Variants in CCDC66 observed in about 807,000 individuals in gnomAD.
CCDC66 encodes coiled-coil domain-containing protein 66.
A neutral mutation model predicts 128.3 loss-of-function variants in CCDC66; 133 were observed. The observed-to-expected ratio is 1.04, with a 90% CI of 0.90 to 1.20. The LOEUF (loss-of-function observed/expected upper bound fraction) is 1.20. Ranked by LOEUF, CCDC66 falls within the 50% of genes most tolerant of loss-of-function variation. CCDC66 has a pLI of 0.00. For missense variants in CCDC66, 1,126 were observed against 1,075.5 expected, an observed-to-expected ratio of 1.05 and a Z score of -0.66; for synonymous variants, 387 against 357.0, an observed-to-expected ratio of 1.08 and a Z score of -0.95.
At chr3:56,583,536 C>T (rs1014337006) in intron 7 of CCDC66, among the ~76,000 whole-genome samples, 1 of 151,900 alleles carries the variant, frequency 6.6e-6, no homozygotes, top group African/African-American at 2.4e-5. Flanking sequence ...ATCTGTTTAA[C>T]AAAGCACGTC....
At chr3:56,565,201 C>T (rs796314351) in intron 4 of CCDC66, 2 of 392,644 alleles carry the variant, frequency 5.1e-6, no homozygotes, top group African/African-American at 2.2e-5. Context: ...AAAATAACGT[C>T]AAGGTAATGA....
chr3:56,583,607 G>C (rs1024497547), intron 7 of CCDC66, among the ~76,000 whole-genome samples: 1 of 150,258 alleles, frequency 6.7e-6, no homozygotes, highest in Non-Finnish European at 1.5e-5. Flanking sequence ...AGAGAGCACA[G>C]GGTTGGGGGC....
intron 1 of CCDC66, among the ~76,000 whole-genome samples, chr3:56,558,281 G>C (rs115580120): frequency 0.023 from 3,512 of 152,230 alleles, 70 homozygotes; most frequent in Non-Finnish European, 0.034. Context: ...TTCAAGTTTT[G>C]TTGGCAGTGG....
intron 10 of CCDC66, among the ~76,000 whole-genome samples, chr3:56,610,625 T>G (rs2074662685): frequency 6.6e-6 from 1 of 152,130 alleles, no homozygotes; most frequent in Non-Finnish European, 1.5e-5. Context: ...GTGTGATTTT[T>G]GGGGGGGTGT....
At chr3:56,600,516 G>A (rs282534) in intron 10 of CCDC66, among the ~76,000 whole-genome samples, 106,077 of 151,814 alleles carry the variant, frequency 0.7, 38,424 homozygotes, top group Non-Finnish European at 0.8. Context: ...TTGCTGGGTC[G>A]AATGGTAGTT....
chr3:56,557,237 C>G lies in CCDC66; in HGVS notation c.-6C>G. 7.4e-7 allele frequency: 1 copy of G among 1,343,540 alleles called. No individual in the cohort carries two copies. Among genetic ancestry groups the G allele is most frequent in the Non-Finnish European group, 1.0e-6 (1 of 974,348 alleles). 83.2% of individuals were successfully genotyped at this position (1,343,540 alleles called of 1,614,324 possible). ...GCGTTCTGTGGAGAGAGTGCGAGGTCAGGCCATGAACTTGGGGTAAGCAGG... is the reference window on the plus strand; with the variant it reads ...GCGTTCTGTGGAGAGAGTGCGAGGTGAGGCCATGAACTTGGGGTAAGCAGG... On this transcript the variant is annotated 5_prime_UTR_variant, in exon 1 of 18. Coordinates refer to ENST00000394672, the MANE Select transcript of CCDC66 (RefSeq NM_001141947.3).
rs537302713 is a variant in CCDC66, at chr3:56,591,508, A to T, written c.937-1462A>T. ...GCTGATAAACTTAAAAAAAATTGCAAAACACTTTCATAATGTTTTAAGGAA... is the reference window on the plus strand; with the variant it reads ...GCTGATAAACTTAAAAAAAATTGCATAACACTTTCATAATGTTTTAAGGAA... On this transcript the variant is annotated intron_variant, in intron 7 of 17. Transcript: ENST00000394672. 5.9e-5 allele frequency among the ~76,000 whole-genome samples: 9 copies of T among 152,322 alleles called. No individual in the cohort carries two copies. The South Asian group carries it at 1.9e-3, about 32-fold the overall frequency.
rs761733019 is a variant in CCDC66 at position 56,619,315 on chromosome 3, A to T, written c.2423A>T (p.Gln808Leu). 6.2e-7 allele frequency: 1 copy of T among 1,613,036 alleles called. No homozygotes were observed. Among genetic ancestry groups the T allele is most frequent in the South Asian group, 1.1e-5 (1 of 90,746 alleles). Residue 808 changes from glutamine (Q) to leucine (L), a missense_variant, in exon 16 of 18, where the codon CAA (glutamine) becomes CTA (leucine). By Grantham distance (113) the Gln-to-Leu change is moderately radical (BLOSUM62 -2). Transcript: ENST00000394672. ...PVPVVKNRTQ[Q>L]TQNTLHLPLK... ...CCAGTAGTGAAAAACAGAACCCAAC[A>T]AACTCAAAATACATTACATTTACCA...
At chr3:56,578,452 A>T (rs1347756413) in intron 7 of CCDC66, among the ~76,000 whole-genome samples, 3 of 151,828 alleles carry the variant, frequency 2.0e-5, no homozygotes, top group African/African-American at 7.2e-5. Flanking sequence ...TATGTTGAAT[A>T]GGAGTGGAGA....
At chr3:56,603,106 A>T (rs2073487339) in intron 10 of CCDC66, among the ~76,000 whole-genome samples, 1 of 151,844 alleles carries the variant, frequency 6.6e-6, no homozygotes, top group South Asian at 2.1e-4. Context: ...AAGTACTGGG[A>T]TTACAGGTGT....
intron 7 of CCDC66, among the ~76,000 whole-genome samples, chr3:56,592,565 GTTGGCCAGGGGC>G (rs2071111418): frequency 6.8e-6 from 1 of 146,838 alleles, no homozygotes; most frequent in Non-Finnish European, 1.5e-5. Context: ...ATTTTGCCAT[GTTGGCCAGGGGC>G]TGGCCTTGAA....
intron 6 of CCDC66, chr3:56,570,731 A>G (rs1378671125): frequency 8.2e-5 from 1 of 12,138 alleles, no homozygotes; most frequent in Admixed American, 1.1e-3. Flanking sequence ...CTGCTGACAG[A>G]ATGAGACTCT....
intron 10 of CCDC66, among the ~76,000 whole-genome samples, chr3:56,596,150 C>T (rs1334483105): frequency 2.0e-5 from 3 of 152,166 alleles, no homozygotes; most frequent in African/African-American, 7.2e-5. Flanking sequence ...AGCTCCTTGC[C>T]TCAAACAGTC....
At chr3:56,620,572 C>CA (rs2076315354) in intron 17 of CCDC66, 1 of 151,970 alleles carries the variant, frequency 6.6e-6, no homozygotes, top group Non-Finnish European at 1.5e-5. Context: ...CTCTGCATTT[C>CA]AAAATGTTGA....
intron 10 of CCDC66, among the ~76,000 whole-genome samples, chr3:56,594,802 A>G (rs556199096): frequency 2.1e-4 from 32 of 152,364 alleles, no homozygotes; most frequent in African/African-American, 7.5e-4. Context: ...TAATTCTTCA[A>G]ATCCTTTGAT....
chr3:56,593,107 T>A lies in CCDC66; in HGVS notation c.1068+6T>A. The stretch of plus-strand genomic sequence containing the variant: ...AAAAAATTATATATTCAAAGGTAAC[T>A]TATGAGGTTTTGTGGCTATAAAAGA... On this transcript the variant is annotated splice_donor_region_variant and intron_variant, in intron 8 of 17. Transcript: ENST00000394672. 1 of 1,569,880 alleles carries A rather than the reference T, an allele frequency of 6.4e-7. No individual in the cohort carries two copies. The highest frequency in any genetic ancestry group is 8.7e-7 in the Non-Finnish European group (1 of 1,154,222).
At chr3:56,618,033 T>C (rs1578061542) in intron 14 of CCDC66, 139 bp from the exon 15 acceptor site, 1 of 708,514 alleles carries the variant, frequency 1.4e-6, no homozygotes, top group Non-Finnish European at 2.5e-6. Context: ...GAAAAAACTA[T>C]ATCTATTCCA....
Position 56,574,088 on chromosome 3 carries a change from G to A in CCDC66, c.936+2786G>A, listed in dbSNP as rs1305603353. Among the ~76,000 whole-genome samples, 3 of 151,698 alleles carry A rather than the reference G, an allele frequency of 2.0e-5. 1 individual carries two copies. Among genetic ancestry groups the A allele is most frequent in the African/African-American group, 7.3e-5 (3 of 41,370 alleles). On this transcript the variant is annotated intron_variant, in intron 7 of 17. Coordinates refer to ENST00000394672, the MANE Select transcript of CCDC66 (RefSeq NM_001141947.3). Reference sequence around the variant, plus strand: ...ACTATTTAAATGCAGTTTTCGCTGGGTGCAGTGGCTCATGCCTGTAATTCC... The same window carrying A: ...ACTATTTAAATGCAGTTTTCGCTGGATGCAGTGGCTCATGCCTGTAATTCC...
intron 8 of CCDC66, 132 bp downstream of exon 8, chr3:56,593,233 C>A: frequency 1.2e-6 from 1 of 848,706 alleles, no homozygotes; most frequent in Non-Finnish European, 1.8e-6. Flanking sequence ...CCCATGTGAA[C>A]CTGTTTCATT....
Sources: gnomAD v4.1 joint callset for allele counts (sites outside exome capture counted in the v4.1 genomes callset) on GRCh38, gnomAD v4.1.1 for gene constraint, MANE v1.5 for transcripts, NCBI Gene and HGNC (gene_info 2026-07-23, HGNC 2026-07-21) for gene names.